MYH9: variants seen among roughly 807,000 people sequenced by gnomAD.
The protein encoded by MYH9 is myosin-9.
A neutral mutation model predicts 241.9 loss-of-function variants in MYH9; 29 were observed. The observed-to-expected ratio is 0.12, with a 90% CI of 0.09 to 0.16. The LOEUF (loss-of-function observed/expected upper bound fraction) is 0.16. Ranked by LOEUF, MYH9 falls within the 10% of genes least tolerant of loss-of-function variation. The probability of loss-of-function intolerance (pLI) is 1.00; values close to 1 mark genes in which losing one functional copy is unlikely to be tolerated. For missense variants in MYH9, 1,803 were observed against 2,595.5 expected, an observed-to-expected ratio of 0.69 and a Z score of 6.63; for synonymous variants, 1,047 against 1,062.6, an observed-to-expected ratio of 0.99 and a Z score of 0.29.
At chr22:36,314,450 G>C (rs1246240997) in intron 12 of MYH9, 132 bp from the exon 13 acceptor site, 13 of 1,114,898 alleles carry the variant, frequency 1.2e-5, no homozygotes, top group East Asian at 2.6e-5. Flanking sequence ...GCTGCCTTTA[G>C]AGCCCGGATG....
intron 1 of MYH9, among the ~76,000 whole-genome samples, chr22:36,349,580 A>G (rs2017734764): frequency 6.6e-6 from 1 of 152,136 alleles, no homozygotes; most frequent in Admixed American, 6.5e-5. Flanking sequence ...AAATACAAAA[A>G]TTAACCAGGC....
In MYH9 at chr22:36,292,000, T is replaced by G. The variant is rs747090249; in HGVS notation, c.4330A>C (p.Lys1444Gln). 1.2e-6 allele frequency: 2 copies of G among 1,614,082 alleles called. No homozygotes were observed. Among genetic ancestry groups the G allele is most frequent in the Non-Finnish European group, 1.7e-6 (2 of 1,180,040 alleles). Residue 1444 changes from lysine to glutamine, a missense_variant, in exon 31 of 41, where the codon AAG (lysine) becomes CAG (glutamine). By Grantham distance (53) the Lys-to-Gln change is moderately conservative (BLOSUM62 1). This residue lies in a region of MYH9 where 876 missense variants were observed against 1,077.8 expected (regional missense o/e 0.81). Transcript: ENST00000216181. ...QSACNLEKKQ[K>Q]KFDQLLAEEK... ...CGGCCACACACCTGGTCAAACTTCT[T>G]CTGCTTCTTCTCCAGGTTGCACGCG... is the stretch of plus-strand genomic sequence containing the variant.
rs1162699718 is a variant in MYH9, at chr22:36,305,903, A to G, written c.2159+27T>C. 6.2e-7 allele frequency: 1 copy of G among 1,612,322 alleles called. No homozygotes were observed. Among genetic ancestry groups the G allele is most frequent in the Non-Finnish European group, 8.5e-7 (1 of 1,179,652 alleles). ...CACTGCACGCACAGCAGGGCCCAGG[A>G]GAAGCGGGCTCCGGGCCCTGGCTCA... On this transcript the variant is annotated intron_variant, in intron 17 of 40. Coordinates refer to ENST00000216181, the MANE Select transcript of MYH9 (RefSeq NM_002473.6). This position sits in a 1 kb window ranked among gnomAD's most constrained non-coding sequence, Gnocchi z 4.7.
At chr22:36,341,632 C>A in intron 2 of MYH9, 106 bp from the exon 3 acceptor site, 3 of 1,348,508 alleles carry the variant, frequency 2.2e-6, no homozygotes, top group Non-Finnish European at 3.1e-6. Context: ...CCTGAGTCAG[C>A]CTGATGTGAA....
rs369481387 is a variant in MYH9 at position 36,361,698 on chromosome 22, C to T, written c.-19-12443G>A. Among the ~76,000 whole-genome samples, 12 of 152,248 alleles carry T rather than the reference C, an allele frequency of 7.9e-5. No homozygotes were observed. In the East Asian group the frequency reaches 2.1e-3, roughly 27 times the overall value. On this transcript the variant is annotated intron_variant, in intron 1 of 40. Transcript: ENST00000216181. ...TAAACTGGGGCAGCTAACCCAGGAT[C>T]TTATCAGCCATTTAGGAATGTGGAC... is the stretch of plus-strand genomic sequence containing the variant.
intron 2 of MYH9, among the ~76,000 whole-genome samples, chr22:36,346,437 C>T (rs910074060): frequency 4.6e-5 from 7 of 152,172 alleles, no homozygotes; most frequent in African/African-American, 1.7e-4. Context: ...TTAAGTCTGT[C>T]TGAAGTCACA....
intron 2 of MYH9, among the ~76,000 whole-genome samples, chr22:36,345,925 G>T (rs2017669733): frequency 6.6e-6 from 1 of 152,170 alleles, no homozygotes; most frequent in Non-Finnish European, 1.5e-5. Flanking sequence ...GAGGTGGGCG[G>T]ATCATGAGGT....
intron 1 of MYH9, among the ~76,000 whole-genome samples, chr22:36,378,136 C>A (rs550440604): frequency 2.6e-5 from 4 of 151,762 alleles, no homozygotes; most frequent in African/African-American, 9.7e-5. Context: ...ATTAGCCAGG[C>A]CTGGTGGTGC....
At position 36,282,339 on chromosome 22, in the gene MYH9, G is replaced by A. The variant is rs566336121; in HGVS notation, c.*329C>T. On this transcript the variant is annotated 3_prime_UTR_variant, in exon 41 of 41. Coordinates refer to ENST00000216181, the MANE Select transcript of MYH9 (RefSeq NM_002473.6). The stretch of plus-strand genomic sequence containing the variant: ...TCATAGAAAACTCTGGCCCCTCCCC[G>A]GGGGCCTGCCCTGCTCGCCTCAACA... 173 of 480,872 alleles carry A rather than the reference G, an allele frequency of 3.6e-4. 1 individual carries two copies. The highest frequency in any genetic ancestry group is 5.6e-4 in the Middle Eastern group (1 of 1,798). 29.8% of individuals were successfully genotyped at this position (480,872 alleles called of 1,614,324 possible).
intron 31 of MYH9, among the ~76,000 whole-genome samples, chr22:36,291,540 C>CG (rs2016702763): frequency 6.6e-6 from 1 of 152,044 alleles, no homozygotes; most frequent in African/African-American, 2.4e-5. Context: ...ACAAACACTG[C>CG]GGAAGGCCAA....
intron 1 of MYH9, among the ~76,000 whole-genome samples, chr22:36,364,592 C>T (rs1018243178): frequency 7.2e-5 from 11 of 152,168 alleles, no homozygotes; most frequent in African/African-American, 2.7e-4. Flanking sequence ...CCTCACCCTC[C>T]GCCCCACCCC....
chr22:36,283,909 G>A (rs779334812), intron 40 of MYH9, among the ~76,000 whole-genome samples, 184 bp downstream of exon 40: 25 of 152,238 alleles, frequency 1.6e-4, no homozygotes, highest in Non-Finnish European at 2.9e-4. Context: ...ACTACCTAGA[G>A]TTTACTGTGT....
At position 36,350,205 on chromosome 22, in the gene MYH9, A is replaced by ATG. The variant is rs148229909; in HGVS notation, c.-19-952_-19-951dup. ...TCATGAGCCAAGAGAACTTAAGTTCATGTGTGTTTGCTTTTTTCAAAACTC... is the reference window on the plus strand; with the variant it reads ...TCATGAGCCAAGAGAACTTAAGTTCATGTGTGTGTTTGCTTTTTTCAAAACTC... On this transcript the variant is annotated intron_variant, in intron 1 of 40. Transcript: ENST00000216181. 2.3e-3 allele frequency among the ~76,000 whole-genome samples: 346 copies of ATG among 152,372 alleles called. 2 individuals carry two copies. The highest frequency in any genetic ancestry group is 8.0e-3 in the African/African-American group (331 of 41,590).
intron 3 of MYH9, among the ~76,000 whole-genome samples, chr22:36,338,076 C>A (rs901701534): frequency 6.6e-6 from 1 of 151,940 alleles, no homozygotes; most frequent in Non-Finnish European, 1.5e-5. Flanking sequence ...CAGCTCACTG[C>A]AACCTCCGCC....
chr22:36,341,386 G>A lies in MYH9; in HGVS notation c.474C>T (p.Tyr158=), dbSNP rs759687346. 1.9e-6 allele frequency: 3 copies of A among 1,613,990 alleles called. No homozygotes were observed. The highest frequency in any genetic ancestry group is 1.1e-5 in the South Asian group (1 of 91,074). Reference sequence around the variant, plus strand: ...GTCACCCACCTTGCATCATACTCCTGTAGGCGGTGTCTGTGATGGCATAGA... The same window carrying A: ...GTCACCCACCTTGCATCATACTCCTATAGGCGGTGTCTGTGATGGCATAGA... ...PHIYAITDTA[Y]RSMMQDREDQ... Residue 158 remains tyrosine (Y), a synonymous_variant, in exon 3 of 41, where the codon TAC becomes TAT. Coordinates refer to ENST00000216181, the MANE Select transcript of MYH9 (RefSeq NM_002473.6).
chr22:36,291,683 T>TAAAAAAAAAAAAAAAA (rs66686435), intron 31 of MYH9, among the ~76,000 whole-genome samples: 24 of 86,834 alleles, frequency 2.8e-4, no homozygotes, highest in Non-Finnish European at 3.8e-4. Flanking sequence ...ATAAAAAAAT[T>TAAAAAAAAAAAAAAAA]AAAAAAAAAA....
chr22:36,366,476 A>G (rs775092515), intron 1 of MYH9, among the ~76,000 whole-genome samples: 11 of 152,120 alleles, frequency 7.2e-5, no homozygotes, highest in Non-Finnish European at 1.5e-4. Flanking sequence ...TGGTGTTTAC[A>G]TCATCTGATC....
intron 1 of MYH9, among the ~76,000 whole-genome samples, chr22:36,361,861 G>C (rs2017940440): frequency 6.6e-6 from 1 of 152,204 alleles, no homozygotes; most frequent in Non-Finnish European, 1.5e-5. Flanking sequence ...CACGAGGTCA[G>C]GAGTTCAAGA....
rs775962100 is a variant in MYH9 at position 36,301,519 on chromosome 22, T to C, written c.2631+15A>G. 4 of 1,612,630 alleles carry C rather than the reference T, an allele frequency of 2.5e-6. No individual in the cohort carries two copies. The African/African-American group carries it at 5.3e-5, about 22-fold the overall frequency. The stretch of plus-strand genomic sequence containing the variant: ...CAGGTCGTGCGACCTGGACTGAGCC[T>C]GCACTGACACCCACCTGAGACTGCA... On this transcript the variant is annotated intron_variant, in intron 21 of 40. Transcript: ENST00000216181.
Sources: gnomAD v4.1 joint callset for allele counts (sites outside exome capture counted in the v4.1 genomes callset) on GRCh38, gnomAD v4.1.1 for gene constraint, gnomAD v4.1.1 regional missense constraint, Gnocchi (gnomAD v3.1) non-coding constraint, MANE v1.5 for transcripts, NCBI Gene and HGNC (gene_info 2026-07-23, HGNC 2026-07-21) for gene names.